Variants in RAPGEF4 observed in about 807,000 individuals in gnomAD.
RAPGEF4 encodes the protein RAP guanine-nucleotide-exchange factor (GEF) 4.
In RAPGEF4, 66 loss-of-function variants were observed where a neutral mutation model predicts 147.9. That is an observed-to-expected ratio of 0.45 (90% CI 0.37 to 0.55). RAPGEF4 has a LOEUF of 0.55. Ranked by LOEUF, RAPGEF4 falls within the 20% of genes least tolerant of loss-of-function variation. The pLI is 0.00. For missense variants in RAPGEF4, 1,071 were observed against 1,257.3 expected (o/e 0.85, Z 2.24); for synonymous variants, 419 against 442.7 (o/e 0.95, Z 0.67).
intron 1 of RAPGEF4, among the ~76,000 whole-genome samples, chr2:172,787,379 C>A (rs1223145652): frequency 6.6e-6 from 1 of 151,768 alleles, no homozygotes; most frequent in African/African-American, 2.4e-5. Flanking sequence ...TAGCCTTTTG[C>A]TAACTTAGAT....
intron 4 of RAPGEF4, among the ~76,000 whole-genome samples, chr2:172,871,042 G>C (rs780888355): frequency 1.3e-5 from 2 of 152,082 alleles, no homozygotes; most frequent in Non-Finnish European, 2.9e-5. Context: ...TTTAAATGTG[G>C]CTTTTCCAGT....
chr2:173,040,195 A>C (rs942022162), intron 29 of RAPGEF4, among the ~76,000 whole-genome samples: 34 of 152,192 alleles, frequency 2.2e-4, no homozygotes, highest in Non-Finnish European at 7.3e-5. Flanking sequence ...TCTCAAAAAA[A>C]AAAAAAAAGA....
At chr2:172,866,586 T>C (rs1268054204) in intron 4 of RAPGEF4, among the ~76,000 whole-genome samples, 1 of 152,096 alleles carries the variant, frequency 6.6e-6, no homozygotes, top group Non-Finnish European at 1.5e-5. Flanking sequence ...TTGACTCCCA[T>C]GCTTAGATCA....
chr2:172,908,085 A>G (rs1372638386), intron 4 of RAPGEF4, among the ~76,000 whole-genome samples: 1 of 152,132 alleles, frequency 6.6e-6, no homozygotes, highest in Non-Finnish European at 1.5e-5. Flanking sequence ...GGCTTTTTCC[A>G]CTGAAGCTCC....
rs181259580 is a variant in RAPGEF4, at chr2:172,829,005, G to A, written c.444+14580G>A. ...TGGTGTTGAACCTGAGATCAGCTCA[G>A]GGAACAGGGATCAGGAGCACAACAT... is the stretch of plus-strand genomic sequence containing the variant. On this transcript the variant is annotated intron_variant, in intron 4 of 30. Coordinates refer to ENST00000397081, the MANE Select transcript of RAPGEF4 (RefSeq NM_007023.4). 1.5e-4 allele frequency among the ~76,000 whole-genome samples: 23 copies of A among 152,324 alleles called. No individual in the cohort carries two copies. The East Asian group carries it at 4.4e-3, about 29-fold the overall frequency.
chr2:172,982,277 A>G (rs1211365719), intron 10 of RAPGEF4, among the ~76,000 whole-genome samples: 3 of 152,250 alleles, frequency 2.0e-5, no homozygotes, highest in Non-Finnish European at 4.4e-5. Context: ...TAATAATTAC[A>G]GTAATATTGG....
intron 8 of RAPGEF4, chr2:172,965,231 C>T (rs1279807940): frequency 2.8e-5 from 8 of 286,408 alleles, no homozygotes; most frequent in South Asian, 6.8e-5. Context: ...TTTCTGGGAC[C>T]GGCTCACTAG....
At chr2:172,746,352 G>A (rs1694765338) in intron 1 of RAPGEF4, among the ~76,000 whole-genome samples, 1 of 152,138 alleles carries the variant, frequency 6.6e-6, no homozygotes, top group South Asian at 2.1e-4. Flanking sequence ...GTGGGGGCAC[G>A]GGTGTATTCT....
At chr2:172,795,240 A>T in intron 2 of RAPGEF4, 73 bp downstream of exon 2, 1 of 1,437,264 alleles carries the variant, frequency 7.0e-7, no homozygotes, top group Admixed American at 1.8e-5. Flanking sequence ...TATGGAGATA[A>T]ATAGCAAATG....
chr2:172,900,164 T>A (rs769695656), intron 4 of RAPGEF4, among the ~76,000 whole-genome samples: 15 of 152,248 alleles, frequency 9.9e-5, no homozygotes, highest in Non-Finnish European at 1.8e-4. Context: ...ATGGACAGAA[T>A]AAATGCAGTA....
chr2:172,821,450 A>G (rs1297008702), intron 4 of RAPGEF4: 66 of 494,356 alleles, frequency 1.3e-4, no homozygotes, highest in Non-Finnish European at 1.7e-4. Context: ...GTTACTTCTC[A>G]GGCCAGAAAT....
intron 6 of RAPGEF4, among the ~76,000 whole-genome samples, chr2:172,938,596 T>A (rs1239887737): frequency 6.6e-6 from 1 of 152,234 alleles, no homozygotes; most frequent in African/African-American, 2.4e-5. Context: ...ACTCCCTTCG[T>A]TGAAGTTATT....
chr2:172,804,543 G>A (rs537154070), intron 3 of RAPGEF4, among the ~76,000 whole-genome samples: 3 of 152,254 alleles, frequency 2.0e-5, no homozygotes, highest in East Asian at 1.9e-4. Flanking sequence ...TCAGGATGAC[G>A]CAGTGGTGAG....
At chr2:172,873,321 A>G (rs114994382) in intron 4 of RAPGEF4, among the ~76,000 whole-genome samples, 6,774 of 152,276 alleles carry the variant, frequency 0.044, 215 homozygotes, top group Admixed American at 0.073. Flanking sequence ...TAGGTATAGT[A>G]TCCATGTACA....
chr2:173,016,619 C>T (rs564573041), intron 19 of RAPGEF4, among the ~76,000 whole-genome samples, 182 bp downstream of exon 19: 1 of 152,302 alleles, frequency 6.6e-6, no homozygotes, highest in African/African-American at 2.4e-5. Flanking sequence ...GACTGAGATT[C>T]TGTTCATTCT....
intron 1 of RAPGEF4, among the ~76,000 whole-genome samples, chr2:172,786,269 C>T (rs1685190484): frequency 6.6e-6 from 1 of 152,128 alleles, no homozygotes; most frequent in South Asian, 2.1e-4. Flanking sequence ...TGTAGTAAAA[C>T]AAGGTCCAGC....
intron 6 of RAPGEF4, among the ~76,000 whole-genome samples, chr2:172,943,491 T>G (rs561077294): frequency 6.6e-5 from 10 of 152,190 alleles, no homozygotes; most frequent in Non-Finnish European, 1.3e-4. Context: ...ATAAGATAAC[T>G]GATGTGACTC....
In RAPGEF4 at chr2:172,961,188, C is replaced by G. The variant is rs776422165; in HGVS notation, c.658C>G (p.His220Asp). The part of the protein sequence containing the change: ...LRNAILSRAP[H>D]MIRDRKYHLK... ...AAATGCCATTCTCTCTCGAGCACCT[C>G]ACATGATAAGAGATAGAAAATACCA... Residue 220 changes from histidine (H) to aspartate (D), a missense_variant, in exon 8 of 31, where the codon CAC (histidine) becomes GAC (aspartate). Coordinates refer to ENST00000397081, the MANE Select transcript of RAPGEF4 (RefSeq NM_007023.4). 1 of 1,612,572 alleles carries G rather than the reference C, an allele frequency of 6.2e-7. No individual in the cohort carries two copies. The highest frequency in any genetic ancestry group is 2.2e-5 in the East Asian group (1 of 44,866).
At chr2:172,780,765 T>G (rs1684609307) in intron 1 of RAPGEF4, among the ~76,000 whole-genome samples, 1 of 152,204 alleles carries the variant, frequency 6.6e-6, no homozygotes, top group Non-Finnish European at 1.5e-5. Flanking sequence ...TATCCACATA[T>G]AAATATATTT....
Sources: gnomAD v4.1 joint callset for allele counts (sites outside exome capture counted in the v4.1 genomes callset) on GRCh38, gnomAD v4.1.1 for gene constraint, MANE v1.5 for transcripts, NCBI Gene and HGNC (gene_info 2026-07-23, HGNC 2026-07-21) for gene names.